The following KCNH7 variants were observed in gnomAD, a reference collection of about 807,000 sequenced individuals.
KCNH7 encodes the protein potassium voltage-gated channel subfamily H member 7.
In KCNH7, 49 loss-of-function variants were observed where a neutral mutation model predicts 120.8. The ratio of observed to expected loss-of-function variants is 0.41; its 90% CI spans 0.32 to 0.51. The LOEUF (loss-of-function observed/expected upper bound fraction) is 0.51, where lower values mean the gene tolerates loss of function less well. KCNH7 is among the 20% of genes least tolerant of loss of function. KCNH7 has a pLI of 0.38. For synonymous variants in KCNH7, 547 were observed against 516.1 expected (o/e 1.06, Z -0.81); for missense variants, 1,097 against 1,446.6 (o/e 0.76, Z 3.92).
At chr2:162,600,030 G>T (rs1316821132) in intron 2 of KCNH7, among the ~76,000 whole-genome samples, 3 of 151,982 alleles carry the variant, frequency 2.0e-5, no homozygotes, top group Admixed American at 1.3e-4. Context: ...AGCAGTTAAG[G>T]TCATTTTTAA....
intron 2 of KCNH7, among the ~76,000 whole-genome samples, chr2:162,562,148 A>G (rs2105881097): frequency 6.6e-6 from 1 of 152,264 alleles, no homozygotes; most frequent in East Asian, 1.9e-4. Context: ...ACCATGGCAC[A>G]TGTATACCTA....
chr2:162,806,268 T>G (rs1684537060), intron 2 of KCNH7, among the ~76,000 whole-genome samples: 3 of 152,110 alleles, frequency 2.0e-5, no homozygotes, highest in Admixed American at 6.6e-5. Context: ...TAAAATAAAT[T>G]TTAAGCTTAG....
At chr2:162,691,441 A>G (rs961785178) in intron 2 of KCNH7, among the ~76,000 whole-genome samples, 2 of 152,202 alleles carry the variant, frequency 1.3e-5, no homozygotes, top group Non-Finnish European at 1.5e-5. Context: ...GACATTGTTC[A>G]GCAGGTAGGG....
At chr2:162,634,287 G>T (rs1324996280) in intron 2 of KCNH7, among the ~76,000 whole-genome samples, 1 of 151,882 alleles carries the variant, frequency 6.6e-6, no homozygotes, top group Non-Finnish European at 1.5e-5. Flanking sequence ...GTAACACAGG[G>T]TTCTCTTTCT....
chr2:162,461,385 G>C (rs1689140194), intron 6 of KCNH7, among the ~76,000 whole-genome samples: 1 of 152,144 alleles, frequency 6.6e-6, no homozygotes, highest in Non-Finnish European at 1.5e-5. Flanking sequence ...AACTATGTAA[G>C]ATAACAAATG....
intron 3 of KCNH7, 56 bp downstream of exon 3, chr2:162,536,869 G>C: frequency 7.1e-7 from 1 of 1,415,930 alleles, no homozygotes; most frequent in Non-Finnish European, 9.9e-7. Flanking sequence ...CTGTATTAAA[G>C]TGACTACAGT....
intron 2 of KCNH7, among the ~76,000 whole-genome samples, chr2:162,736,448 T>A (rs938049556): frequency 6.6e-6 from 1 of 152,242 alleles, no homozygotes; most frequent in African/African-American, 2.4e-5. Context: ...TAGTGCCTTT[T>A]AAGGAAGAGT....
chr2:162,504,457 C>A lies in KCNH7; in HGVS notation c.1114G>T (p.Glu372Ter). Residue 372 changes from glutamate (E) to a stop codon, truncating the protein, a stop_gained, in exon 6 of 16, where the codon GAG becomes TAG. Transcript: ENST00000332142. LOFTEE classifies it high-confidence loss of function. Reference protein sequence around the residue: ...KVKDRTHNVTEKVTQVLSLGA... With the variant: ...KVKDRTHNVT ...TTGTGTCCTACCTGGGTCACTTTCTCAGTCACATTGTGTGTTCGATCTTTA... is the reference window on the plus strand; with the variant it reads ...TTGTGTCCTACCTGGGTCACTTTCTAAGTCACATTGTGTGTTCGATCTTTA... The A allele has an allele frequency of 6.2e-7, 1 of 1,612,062 alleles. No individual in the cohort carries two copies. The highest frequency in any genetic ancestry group is 8.5e-7 in the Non-Finnish European group (1 of 1,178,470).
At chr2:162,711,462 C>T (rs1361208789) in intron 2 of KCNH7, among the ~76,000 whole-genome samples, 1 of 152,244 alleles carries the variant, frequency 6.6e-6, no homozygotes, top group Non-Finnish European at 1.5e-5. Context: ...AAGACTTCTG[C>T]AACGTGCGTT....
intron 6 of KCNH7, among the ~76,000 whole-genome samples, chr2:162,478,405 T>C (rs1300965091): frequency 6.6e-6 from 1 of 152,216 alleles, no homozygotes; most frequent in Non-Finnish European, 1.5e-5. Flanking sequence ...ACCTCAGTGA[T>C]GAGCATCTCA....
intron 2 of KCNH7, among the ~76,000 whole-genome samples, chr2:162,827,251 C>T (rs1685317995): frequency 1.3e-5 from 2 of 151,988 alleles, no homozygotes; most frequent in South Asian, 4.1e-4. Flanking sequence ...GGAAATAAAA[C>T]TTTCTTGTGG....
chr2:162,384,158 G>T (rs1686506513), intron 13 of KCNH7, among the ~76,000 whole-genome samples: 1 of 151,706 alleles, frequency 6.6e-6, no homozygotes, highest in African/African-American at 2.4e-5. Context: ...GTACATTTGG[G>T]TATTCCTTTT....
intron 2 of KCNH7, among the ~76,000 whole-genome samples, chr2:162,669,020 G>A (rs1307051946): frequency 6.6e-6 from 1 of 152,090 alleles, no homozygotes; most frequent in African/African-American, 2.4e-5. Context: ...GTAACGAAAA[G>A]GCAGCCTTGA....
At chr2:162,693,080 T>C (rs950585298) in intron 2 of KCNH7, among the ~76,000 whole-genome samples, 5 of 147,088 alleles carry the variant, frequency 3.4e-5, no homozygotes, top group African/African-American at 1.4e-4. Flanking sequence ...CACATATATA[T>C]ACTGAATAAA....
intron 4 of KCNH7, 27 bp from the exon 5 acceptor site, chr2:162,512,701 A>G: frequency 6.3e-7 from 1 of 1,588,086 alleles, no homozygotes; most frequent in South Asian, 1.1e-5. Flanking sequence ...AGGATAAAAA[A>G]AGAGAAATAT....
At chr2:162,779,442 A>G (rs973530683) in intron 2 of KCNH7, among the ~76,000 whole-genome samples, 1 of 151,898 alleles carries the variant, frequency 6.6e-6, no homozygotes, top group African/African-American at 2.4e-5. Flanking sequence ...CTCATGATCC[A>G]CCTGCCTCAG....
intron 6 of KCNH7, among the ~76,000 whole-genome samples, chr2:162,492,222 A>C (rs1690334304): frequency 6.6e-6 from 1 of 152,186 alleles, no homozygotes; most frequent in Non-Finnish European, 1.5e-5. Context: ...AATCTGGTGC[A>C]CTTTGTGTGT....
At chr2:162,652,932 C>G (rs557669926) in intron 2 of KCNH7, among the ~76,000 whole-genome samples, 121 of 152,278 alleles carry the variant, frequency 7.9e-4, no homozygotes, top group Non-Finnish European at 1.5e-3. Flanking sequence ...AACCTTCTTT[C>G]ATTTTTTGAA....
At chr2:162,719,370 A>G (rs992784627) in intron 2 of KCNH7, among the ~76,000 whole-genome samples, 1 of 151,940 alleles carries the variant, frequency 6.6e-6, no homozygotes, top group Non-Finnish European at 1.5e-5. Context: ...GGGTTTTTTC[A>G]TTTGTTTATT....
Sources: allele counts gnomAD v4.1 joint callset (sites outside exome capture counted in the v4.1 genomes callset), GRCh38; gene constraint gnomAD v4.1.1; transcripts MANE v1.5; gene names NCBI Gene and HGNC (gene_info 2026-07-23, HGNC 2026-07-21).